Variants in PCDH19 observed in about 807,000 individuals in gnomAD.
The protein encoded by PCDH19 is protocadherin 19.
PCDH19 carries 6 observed loss-of-function variants against 46.2 expected under a neutral mutation model. That is an observed-to-expected ratio of 0.13 (90% confidence interval 0.07 to 0.26). PCDH19 has a LOEUF of 0.26. Ranked by LOEUF, PCDH19 falls within the 10% of genes least tolerant of loss-of-function variation. The pLI, the probability that PCDH19 is intolerant of heterozygous loss-of-function variation, is 1.00. For missense variants in PCDH19, 740 were observed against 972.3 expected (o/e 0.76, Z 3.18); for synonymous variants, 481 against 415.7 (o/e 1.16, Z -1.91).
At chrX:100,309,670 G>A (rs949809165) in intron 5 of PCDH19, among the ~76,000 whole-genome samples, 1 of 111,577 alleles carries the variant, frequency 9.0e-6, no homozygotes, top group African/African-American at 3.3e-5. Flanking sequence ...AAAAACACTA[G>A]AAATGTCTGG....
At chrX:100,382,975 T>C (rs1328005035) in intron 3 of PCDH19, among the ~76,000 whole-genome samples, 3 of 112,653 alleles carry the variant, frequency 2.7e-5, no homozygotes. Flanking sequence ...TGAGGTGGAA[T>C]TTGTTTGCAG....
chrX:100,327,647 G>A (rs964978600), intron 5 of PCDH19, among the ~76,000 whole-genome samples: 3 of 111,603 alleles, frequency 2.7e-5, no homozygotes, highest in Non-Finnish European at 5.7e-5. Context: ...TACCCCTTTT[G>A]TCCCTGCCAA....
At chrX:100,368,369 T>A (rs1927127690) in intron 3 of PCDH19, among the ~76,000 whole-genome samples, 1 of 111,620 alleles carries the variant, frequency 9.0e-6, no homozygotes, top group Admixed American at 9.6e-5. Context: ...GACCTTCACC[T>A]TCCTGAGCAG....
At position 100,406,581 on chromosome X, in the gene PCDH19, C is replaced by G. The variant is rs1462782217; in HGVS notation, c.2017G>C (p.Gly673Arg). The G allele has an allele frequency of 8.3e-7, 1 of 1,210,463 alleles. No individual in the cohort carries two copies. The highest frequency in any genetic ancestry group is 3.0e-5 in the East Asian group (1 of 33,812). Reference sequence around the variant, plus strand: ...AAAATCAAGGACAAGTTCACAGAGCCCATTGACTCTTGGGCATCGAGAGCA... The same window carrying G: ...AAAATCAAGGACAAGTTCACAGAGCGCATTGACTCTTGGGCATCGAGAGCA... ...SPALDAQESM[G>R]SVNLSLIFII... Residue 673 changes from glycine (G) to arginine (R), a missense_variant, in exon 1 of 6, where the codon GGC (glycine) becomes CGC (arginine). Physicochemically the swap from Gly to Arg is moderately radical, Grantham distance 125. Coordinates refer to ENST00000373034, the MANE Select transcript of PCDH19 (RefSeq NM_001184880.2).
At chrX:100,381,565 G>T (rs2147517007) in intron 3 of PCDH19, among the ~76,000 whole-genome samples, 1 of 111,643 alleles carries the variant, frequency 9.0e-6, no homozygotes, top group South Asian at 3.8e-4. Flanking sequence ...GAACATTTTA[G>T]GTAGACTGTA....
intron 3 of PCDH19, among the ~76,000 whole-genome samples, chrX:100,374,053 T>C (rs913627208): frequency 3.5e-5 from 4 of 112,938 alleles, no homozygotes; most frequent in African/African-American, 1.3e-4. Context: ...TAGCTTTCAT[T>C]GATTTCGTCA....
rs751976488 is a variant in PCDH19 at position 100,342,016 on chromosome X, C to T, written c.2735G>A (p.Ser912Asn). 5.0e-6 allele frequency: 6 copies of T among 1,209,847 alleles called. No homozygotes were observed. Among genetic ancestry groups the T allele is most frequent in the Non-Finnish European group, 4.5e-6 (4 of 893,702 alleles). Residue 912 changes from serine (S) to asparagine (N), a missense_variant, in exon 5 of 6, where the codon AGT (serine) becomes AAT (asparagine). Physicochemically the swap from Ser to Asn is conservative, Grantham distance 46 (BLOSUM62 1). This residue lies in a region of PCDH19 where 416 missense variants were observed against 476.8 expected (regional missense o/e 0.87). Transcript: ENST00000373034. ...NSLKDSGHEE[S>N]DQTDSEHDVQ... ...ATCATGCTCACTGTCAGTTTGGTCACTCTCCTCATGTCCACTATCCTTCAG... is the reference window on the plus strand; with the variant it reads ...ATCATGCTCACTGTCAGTTTGGTCATTCTCCTCATGTCCACTATCCTTCAG...
At chrX:100,347,782 G>A (rs1439860070) in intron 4 of PCDH19, among the ~76,000 whole-genome samples, 2 of 111,097 alleles carry the variant, frequency 1.8e-5, no homozygotes, top group Non-Finnish European at 3.8e-5. Context: ...TAAGTTCTCA[G>A]CCAGGCACGG....
intron 3 of PCDH19, among the ~76,000 whole-genome samples, chrX:100,381,279 T>C (rs1351124716): frequency 8.9e-6 from 1 of 111,984 alleles, no homozygotes; most frequent in Non-Finnish European, 1.9e-5. Context: ...GAATTTCACA[T>C]ACCTGACTTA....
At chrX:100,365,735 C>T (rs1385111948) in intron 3 of PCDH19, among the ~76,000 whole-genome samples, 3 of 111,549 alleles carry the variant, frequency 2.7e-5, no homozygotes, top group South Asian at 3.8e-4. Context: ...TGCACACACA[C>T]AATATTTTGA....
At chrX:100,315,795 G>A (rs781218019) in intron 5 of PCDH19, among the ~76,000 whole-genome samples, 2 of 112,189 alleles carry the variant, frequency 1.8e-5, no homozygotes, top group African/African-American at 3.2e-5. Context: ...AAGCATCCAC[G>A]AGCTAAGTGC....
At chrX:100,350,882 C>T (rs1228604967) in intron 3 of PCDH19, among the ~76,000 whole-genome samples, 178 bp from the exon 4 acceptor site, 1 of 112,470 alleles carries the variant, frequency 8.9e-6, no homozygotes, top group Admixed American at 9.4e-5. Flanking sequence ...TCCGTGGAGG[C>T]AGCAGCTCCC....
rs187344811 is a variant in PCDH19, at chrX:100,397,512, C to T, written c.2616+5012G>A. 3.3e-4 allele frequency among the ~76,000 whole-genome samples: 37 copies of T among 112,125 alleles called. No homozygotes were observed. In the East Asian group the frequency reaches 7.9e-3, roughly 24 times the overall value. On this transcript the variant is annotated intron_variant, in intron 3 of 5. Transcript: ENST00000373034. ...ACTGAAACCAAAATTTAAATCCCTA[C>T]GGACCTATGACTGGAATTCTCTAAG...
intron 5 of PCDH19, among the ~76,000 whole-genome samples, chrX:100,337,611 AC>A (rs1233782614): frequency 1.8e-5 from 2 of 112,176 alleles, no homozygotes. Context: ...CAAGAGAAAT[AC>A]CAAGATTGAC....
chrX:100,343,427 A>G (rs1926311553), intron 4 of PCDH19, among the ~76,000 whole-genome samples: 1 of 112,472 alleles, frequency 8.9e-6, no homozygotes, highest in South Asian at 3.7e-4. Flanking sequence ...AACTCTGAGT[A>G]TAGTTATACT....
chrX:100,365,790 C>T (rs1927052655), intron 3 of PCDH19, among the ~76,000 whole-genome samples: 1 of 111,801 alleles, frequency 8.9e-6, no homozygotes, highest in South Asian at 3.7e-4. Context: ...ACCCCCAAAG[C>T]AACGCAGCTG....
At chrX:100,313,283 AATGCC>A (rs1178887389) in intron 5 of PCDH19, among the ~76,000 whole-genome samples, 1 of 111,178 alleles carries the variant, frequency 9.0e-6, no homozygotes, top group Non-Finnish European at 1.9e-5. Flanking sequence ...CTAATGGAGG[AATGCC>A]ATGCTGTGGT....
At chrX:100,366,921 G>C (rs763609475) in intron 3 of PCDH19, among the ~76,000 whole-genome samples, 1 of 112,082 alleles carries the variant, frequency 8.9e-6, no homozygotes, top group Non-Finnish European at 1.9e-5. Context: ...GCCATATAAA[G>C]CATGAGTAAA....
intron 3 of PCDH19, among the ~76,000 whole-genome samples, chrX:100,401,748 TTACTC>T (rs758689660): frequency 3.6e-4 from 39 of 109,620 alleles, no homozygotes; most frequent in Admixed American, 2.2e-3. Context: ...ATTCTTATTC[TTACTC>T]TTTTTTTTTT....
Sources: allele counts gnomAD v4.1 joint callset (sites outside exome capture counted in the v4.1 genomes callset), GRCh38; gene constraint gnomAD v4.1.1; regional missense constraint gnomAD v4.1.1; transcripts MANE v1.5; gene names NCBI Gene and HGNC (gene_info 2026-07-23, HGNC 2026-07-21).